Variants in PACSIN2 observed in about 807,000 individuals in gnomAD.
PACSIN2 encodes the protein protein kinase C and casein kinase substrate in neurons 2.
In PACSIN2, 25 loss-of-function variants were observed where a neutral mutation model predicts 63.8. That is an observed-to-expected ratio of 0.39 (90% confidence interval 0.29 to 0.55). The LOEUF (loss-of-function observed/expected upper bound fraction) is 0.55. Ranked by LOEUF, PACSIN2 falls within the 20% of genes least tolerant of loss-of-function variation. The probability of loss-of-function intolerance (pLI) is 0.62; values close to 1 mark genes in which losing one functional copy is unlikely to be tolerated. For missense variants in PACSIN2, 518 were observed against 646.9 expected, an observed-to-expected ratio of 0.80 and a Z score of 2.16; for synonymous variants, 255 against 256.2, an observed-to-expected ratio of 1.00 and a Z score of 0.05.
intron 2 of PACSIN2, among the ~76,000 whole-genome samples, chr22:42,903,745 A>T (rs60894046): frequency 0.025 from 3,860 of 152,266 alleles, 156 homozygotes; most frequent in African/African-American, 0.089. Context: ...AGAGATTCAG[A>T]ATCGCCTTGA....
At chr22:43,006,380 C>T (rs759488672) in intron 1 of PACSIN2, among the ~76,000 whole-genome samples, 11 of 152,160 alleles carry the variant, frequency 7.2e-5, no homozygotes, top group Non-Finnish European at 1.5e-4. Flanking sequence ...TGATGGAGCT[C>T]GAACCCACAC....
At chr22:42,923,843 C>T (rs1932360398) in intron 1 of PACSIN2, among the ~76,000 whole-genome samples, 1 of 152,016 alleles carries the variant, frequency 6.6e-6, no homozygotes, top group Non-Finnish European at 1.5e-5. Context: ...TCAAGACCAG[C>T]CTAGGCAAGA....
chr22:42,961,647 C>T (rs1486330805), intron 1 of PACSIN2, among the ~76,000 whole-genome samples: 1 of 152,022 alleles, frequency 6.6e-6, no homozygotes, highest in Middle Eastern at 3.4e-3. Flanking sequence ...GTGGCACATG[C>T]CTGTAATCCC....
intron 1 of PACSIN2, among the ~76,000 whole-genome samples, chr22:42,935,412 C>T (rs1382699230): frequency 2.6e-5 from 4 of 152,096 alleles, no homozygotes; most frequent in Non-Finnish European, 4.4e-5. Flanking sequence ...TCCACATGTG[C>T]GGAGACCTAC....
At position 42,971,873 on chromosome 22, in the gene PACSIN2, A is replaced by C. The variant is rs370539017; in HGVS notation, c.-78+43148T>G. 3.4e-3 allele frequency among the ~76,000 whole-genome samples: 471 copies of C among 140,416 alleles called. 13 individuals are homozygous for C. The highest frequency in any genetic ancestry group is 4.5e-3 in the South Asian group (20 of 4,426). The allele number at this position is 140,416 out of a possible 152,430, so 92.1% of individuals were successfully genotyped here. A position where few individuals can be genotyped will look rare whatever the true frequency, so the allele number is the denominator to read the frequency against. On this transcript the variant is annotated intron_variant, in intron 1 of 10. Coordinates refer to ENST00000263246, the MANE Select transcript of PACSIN2 (RefSeq NM_001184970.3). ...GGGGGGCAGCCCCCGCCCAGCCAGCAGCCCCGTTCGGGAGGTGGGGGGCAG... is the reference window on the plus strand; with the variant it reads ...GGGGGGCAGCCCCCGCCCAGCCAGCCGCCCCGTTCGGGAGGTGGGGGGCAG...
intron 1 of PACSIN2, among the ~76,000 whole-genome samples, chr22:42,999,506 C>T (rs927894540): frequency 1.3e-5 from 2 of 152,166 alleles, no homozygotes; most frequent in Non-Finnish European, 1.5e-5. Flanking sequence ...CCTGTCTCTA[C>T]TAAAAACACA....
intron 1 of PACSIN2, among the ~76,000 whole-genome samples, chr22:42,989,297 G>A (rs1922842911): frequency 6.6e-6 from 1 of 152,102 alleles, no homozygotes; most frequent in Admixed American, 6.6e-5. Context: ...AGGAGGTCAA[G>A]ACCAGCCTGG....
chr22:43,000,477 A>G (rs764752898), intron 1 of PACSIN2, among the ~76,000 whole-genome samples: 20 of 151,970 alleles, frequency 1.3e-4, no homozygotes, highest in Non-Finnish European at 2.1e-4. Context: ...TTCTCTCTCT[A>G]CTCACCTCTT....
chr22:42,928,177 C>T (rs5759042), intron 1 of PACSIN2, among the ~76,000 whole-genome samples: 65,046 of 152,058 alleles, frequency 0.43, 14,523 homozygotes, highest in Non-Finnish European at 0.48. Flanking sequence ...TGAGAAAGGA[C>T]GGGAACACAC....
chr22:42,926,873 A>T (rs984543790), intron 1 of PACSIN2, among the ~76,000 whole-genome samples: 1 of 151,966 alleles, frequency 6.6e-6, no homozygotes, highest in Admixed American at 6.6e-5. Context: ...GGAGGAGGTT[A>T]AGGAAAAACA....
intron 1 of PACSIN2, among the ~76,000 whole-genome samples, chr22:42,985,911 G>T (rs964251929): frequency 5.3e-5 from 8 of 149,652 alleles, no homozygotes; most frequent in African/African-American, 2.0e-4. Flanking sequence ...CTGACTGCAG[G>T]TCTGATGTCC....
intron 1 of PACSIN2, among the ~76,000 whole-genome samples, chr22:42,921,740 C>T (rs79642048): frequency 1.4e-5 from 2 of 144,636 alleles, no homozygotes; most frequent in African/African-American, 2.6e-5. Context: ...CATTTAGAAG[C>T]TTTTTTTTTT....
chr22:42,891,145 G>A lies in PACSIN2; in HGVS notation c.255C>T (p.Ala85=). 1 of 1,614,062 alleles carries A rather than the reference G, an allele frequency of 6.2e-7. No individual in the cohort carries two copies. The highest frequency in any genetic ancestry group is 8.5e-7 in the Non-Finnish European group (1 of 1,180,008). The change falls in exon 4 of 11, where the codon GCC becomes GCT. Residue 85 remains alanine (A), a synonymous_variant. Coordinates refer to ENST00000263246, the MANE Select transcript of PACSIN2 (RefSeq NM_001184970.3). ...QYGTVEKAWM[A]FMSEAERVSE... ...TCACCCTCTCTGCCTCGGACATGAA[G>A]GCCATCCAGGCCTTCTCCACGGTCC...
intron 1 of PACSIN2, among the ~76,000 whole-genome samples, chr22:42,981,324 C>T (rs1922098572): frequency 7.0e-6 from 1 of 143,824 alleles, no homozygotes; most frequent in African/African-American, 2.7e-5. Flanking sequence ...GCGTCTCCGC[C>T]CGGCAGCCAC....
chr22:42,891,736 T>G (rs1414456160), intron 3 of PACSIN2, among the ~76,000 whole-genome samples: 1 of 152,158 alleles, frequency 6.6e-6, no homozygotes, highest in Non-Finnish European at 1.5e-5. Flanking sequence ...GCCACTGAAC[T>G]CTATAAAAAC....
chr22:42,986,284 C>A (rs1450672485), intron 1 of PACSIN2, among the ~76,000 whole-genome samples: 1 of 152,194 alleles, frequency 6.6e-6, no homozygotes, highest in Non-Finnish European at 1.5e-5. Flanking sequence ...TCAGCCACGA[C>A]GCTGGGCTGC....
intron 2 of PACSIN2, among the ~76,000 whole-genome samples, chr22:42,901,835 C>T (rs1398118294): frequency 6.6e-6 from 1 of 152,202 alleles, no homozygotes; most frequent in Non-Finnish European, 1.5e-5. Flanking sequence ...AGACATTCGA[C>T]TCTGGTTCCA....
intron 1 of PACSIN2, among the ~76,000 whole-genome samples, chr22:43,008,730 C>T (rs371183720): frequency 1.4e-4 from 21 of 152,364 alleles, no homozygotes; most frequent in African/African-American, 4.8e-4. Context: ...ACCCACCCAG[C>T]GGCTCTGGGC....
chr22:42,888,496 G>T, intron 5 of PACSIN2, 147 bp downstream of exon 5: 1 of 736,522 alleles, frequency 1.4e-6, no homozygotes, highest in Non-Finnish European at 2.3e-6. Flanking sequence ...ACTCACCTGT[G>T]GCCTTCTTGA....
Sources: allele counts gnomAD v4.1 joint callset (sites outside exome capture counted in the v4.1 genomes callset), GRCh38; gene constraint gnomAD v4.1.1; transcripts MANE v1.5; gene names NCBI Gene and HGNC (gene_info 2026-07-23, HGNC 2026-07-21).